DPP6: variants seen among roughly 807,000 people sequenced by gnomAD.
DPP6 encodes the protein dipeptidyl peptidase like 6, also known as A-type potassium channel modulatory protein DPP6.
In DPP6, 69 loss-of-function variants were observed where a neutral mutation model predicts 122.6. The ratio of observed to expected loss-of-function variants is 0.56; its 90% CI spans 0.46 to 0.69. DPP6 has a LOEUF of 0.69. DPP6 is among the 30% of genes least tolerant of loss of function. DPP6 has a pLI of 0.00. For synonymous variants in DPP6, 418 were observed against 433.1 expected (o/e 0.97, Z 0.43); for missense variants, 928 against 1,116.9 (o/e 0.83, Z 2.41).
At chr7:153,784,583 T>C in the DPP6 span, among the ~76,000 whole-genome samples, 1 of 152,224 alleles carries the variant, frequency 6.6e-6, no homozygotes, top group South Asian at 2.1e-4. Flanking sequence ...ATATGCCTTA[T>C]GACTTTCATT....
At chr7:154,692,286 G>T (rs926361216) in intron 7 of DPP6, among the ~76,000 whole-genome samples, 4 of 152,162 alleles carry the variant, frequency 2.6e-5, no homozygotes, top group African/African-American at 9.7e-5. Flanking sequence ...TGAAACTTCT[G>T]ATTTGATTTC....
At chr7:153,938,484 C>A (rs1242204204) in intron 1 of DPP6, among the ~76,000 whole-genome samples, 1 of 152,174 alleles carries the variant, frequency 6.6e-6, no homozygotes, top group Non-Finnish European at 1.5e-5. Context: ...GATCTTTCAG[C>A]AAACCATGAA....
intron 1 of DPP6, among the ~76,000 whole-genome samples, chr7:154,340,395 C>T (rs1809820985): frequency 6.6e-6 from 1 of 152,182 alleles, no homozygotes; most frequent in Non-Finnish European, 1.5e-5. Flanking sequence ...TCCATTGGGT[C>T]CTTGGTTCTT....
At chr7:154,796,886 G>T (rs544184134) in intron 12 of DPP6, among the ~76,000 whole-genome samples, 1 of 152,148 alleles carries the variant, frequency 6.6e-6, no homozygotes, top group Non-Finnish European at 1.5e-5. Flanking sequence ...TTTCTGCTCT[G>T]TGTCAATCTT....
the DPP6 span, among the ~76,000 whole-genome samples, chr7:153,847,981 C>T: frequency 6.6e-6 from 1 of 152,164 alleles, no homozygotes; most frequent in Non-Finnish European, 1.5e-5. Context: ...TCAGTAGCTG[C>T]CTGCCTCACG....
chr7:154,402,844 G>A (rs1261033109), intron 1 of DPP6, among the ~76,000 whole-genome samples: 2 of 152,088 alleles, frequency 1.3e-5, no homozygotes, highest in African/African-American at 2.4e-5. Context: ...TCCCAATACT[G>A]TTATTGGGAA....
the DPP6 span, among the ~76,000 whole-genome samples, chr7:153,794,657 T>C: frequency 2.0e-5 from 3 of 152,258 alleles, no homozygotes; most frequent in Admixed American, 6.5e-5. Context: ...TGTGAGGACA[T>C]GAGATTTGAA....
chr7:153,831,799 C>T, the DPP6 span, among the ~76,000 whole-genome samples: 3 of 152,242 alleles, frequency 2.0e-5, no homozygotes, highest in East Asian at 5.8e-4. Context: ...GTTTGCAGAC[C>T]TCGGGCCAAA....
At chr7:154,612,280 A>T (rs1239932748) in intron 5 of DPP6, among the ~76,000 whole-genome samples, 2 of 152,250 alleles carry the variant, frequency 1.3e-5, no homozygotes, top group Admixed American at 6.5e-5. Context: ...CAGTTCTGTC[A>T]TGAGGACCCC....
At chr7:154,648,783 T>C (rs1450530504) in intron 6 of DPP6, among the ~76,000 whole-genome samples, 1 of 151,738 alleles carries the variant, frequency 6.6e-6, no homozygotes, top group Non-Finnish European at 1.5e-5. Flanking sequence ...CTGGGTGTGG[T>C]TTGGGTGCAC....
At chr7:154,540,953 G>A (rs573606430) in intron 4 of DPP6, among the ~76,000 whole-genome samples, 1 of 152,180 alleles carries the variant, frequency 6.6e-6, no homozygotes, top group South Asian at 2.1e-4. Context: ...AATACTTCAG[G>A]AGAATTTGCT....
In DPP6 at chr7:154,587,630, G is replaced by A. The variant is rs1178976925; in HGVS notation, c.627+20714G>A. On this transcript the variant is annotated intron_variant, in intron 5 of 25. Coordinates refer to ENST00000377770, the MANE Select transcript of DPP6 (RefSeq NM_130797.4). Reference sequence around the variant, plus strand: ...GAATTGAGCTTTCTAAAATGATTCTGCCCATCTCCCACTTTACAGATGAAG... The same window carrying A: ...GAATTGAGCTTTCTAAAATGATTCTACCCATCTCCCACTTTACAGATGAAG... The A allele has an allele frequency of 9.1e-6, 14 of 1,533,626 alleles. No individual in the cohort carries two copies. In the Admixed American group the frequency reaches 2.6e-4, roughly 28 times the overall value.
chr7:154,204,996 C>T (rs1029381356), intron 1 of DPP6, among the ~76,000 whole-genome samples: 2 of 152,262 alleles, frequency 1.3e-5, no homozygotes, highest in South Asian at 4.1e-4. Context: ...ATAGCCTGCT[C>T]CAATCTTTAC....
chr7:154,701,125 C>T (rs955741992), intron 7 of DPP6, among the ~76,000 whole-genome samples: 5 of 152,186 alleles, frequency 3.3e-5, no homozygotes, highest in African/African-American at 9.7e-5. Context: ...CTCCAGGATC[C>T]TCCTGGAGTT....
At chr7:154,076,222 G>C (rs1803540012) in intron 1 of DPP6, among the ~76,000 whole-genome samples, 1 of 152,208 alleles carries the variant, frequency 6.6e-6, no homozygotes, top group Admixed American at 6.5e-5. Flanking sequence ...GGCCAAGGCA[G>C]GTGGATCGCC....
At chr7:154,434,115 C>A (rs78985604) in intron 1 of DPP6, among the ~76,000 whole-genome samples, 2 of 152,238 alleles carry the variant, frequency 1.3e-5, no homozygotes, top group East Asian at 1.9e-4. Flanking sequence ...TGGACTGATA[C>A]AATTAAAATA....
chr7:153,971,637 C>T (rs1796021329), intron 1 of DPP6, among the ~76,000 whole-genome samples: 2 of 135,932 alleles, frequency 1.5e-5, no homozygotes, highest in East Asian at 4.8e-4. Flanking sequence ...CCATAAATTT[C>T]CTCTTAGCAC....
At chr7:154,222,738 G>A (rs1585668869) in intron 1 of DPP6, among the ~76,000 whole-genome samples, 1 of 149,246 alleles carries the variant, frequency 6.7e-6, no homozygotes, top group South Asian at 2.1e-4. Context: ...ATCCAGATCC[G>A]GAAGCTCATT....
intron 1 of DPP6, among the ~76,000 whole-genome samples, chr7:153,955,389 A>G (rs1021353254): frequency 1.3e-5 from 2 of 152,108 alleles, no homozygotes; most frequent in Non-Finnish European, 2.9e-5. Context: ...GTGTTACCTT[A>G]TTTAATTTTT....
Sources: gnomAD v4.1 joint callset for allele counts (sites outside exome capture counted in the v4.1 genomes callset) on GRCh38, gnomAD v4.1.1 for gene constraint, MANE v1.5 for transcripts, NCBI Gene and HGNC (gene_info 2026-07-23, HGNC 2026-07-21) for gene names.